FBXO3: variants seen among roughly 807,000 people sequenced by gnomAD.
The protein encoded by FBXO3 is F-box only protein 3.
A neutral mutation model predicts 64.8 loss-of-function variants in FBXO3; 17 were observed. The ratio of observed to expected loss-of-function variants is 0.26; its 90% CI spans 0.18 to 0.39. FBXO3 has a LOEUF of 0.39. Among genes scored for constraint, FBXO3 ranks in the 10% least tolerant of loss-of-function variants. FBXO3 has a pLI of 1.00. For synonymous variants in FBXO3, 182 were observed against 201.6 expected, an observed-to-expected ratio of 0.90 and a Z score of 0.82; for missense variants, 420 against 589.9, an observed-to-expected ratio of 0.71 and a Z score of 2.98.
chr11:33,774,320 C>T, intron 1 of FBXO3, 74 bp downstream of exon 1: 5 of 1,298,926 alleles, frequency 3.8e-6, no homozygotes, highest in South Asian at 2.6e-5. Context: ...TCAGCGGCCC[C>T]GACCCCCTTT....
At chr11:33,752,390 T>G (rs1300403875) in intron 6 of FBXO3, among the ~76,000 whole-genome samples, 6 of 152,232 alleles carry the variant, frequency 3.9e-5, no homozygotes. Context: ...GTATTAGTCC[T>G]TTAATTAATG....
chr11:33,755,375 A>C (rs1463159609), intron 5 of FBXO3, among the ~76,000 whole-genome samples: 1 of 152,224 alleles, frequency 6.6e-6, no homozygotes, highest in Non-Finnish European at 1.5e-5. Flanking sequence ...ACATTTTTCG[A>C]TACATCAAAT....
chr11:33,741,535 A>C lies in FBXO3; in HGVS notation c.*373T>G, dbSNP rs918239702. 6.4e-6 allele frequency: 1 copy of C among 156,660 alleles called. No individual in the cohort carries two copies. Among genetic ancestry groups the C allele is most frequent in the Non-Finnish European group, 1.4e-5 (1 of 70,892 alleles). The allele number at this position is 156,660 out of a possible 1,614,324, so 9.7% of individuals were successfully genotyped here. On this transcript the variant is annotated 3_prime_UTR_variant, in exon 11 of 11. Transcript: ENST00000265651. Reference sequence around the variant, plus strand: ...AAGAAGTCTTTTCACAGAATGAGTCACATAGTTTCTCTCTATCCTTGTGCA... The same window carrying C: ...AAGAAGTCTTTTCACAGAATGAGTCCCATAGTTTCTCTCTATCCTTGTGCA...
chr11:33,773,218 G>C (rs182983137), intron 1 of FBXO3: 26 of 152,264 alleles, frequency 1.7e-4, no homozygotes, highest in African/African-American at 5.5e-4. Flanking sequence ...ATGTGTCTTG[G>C]AAAGATTACT....
intron 1 of FBXO3, chr11:33,772,420 G>T (rs1855531943): frequency 6.6e-6 from 1 of 152,068 alleles, no homozygotes; most frequent in Non-Finnish European, 1.5e-5. Context: ...TCCTCACCTT[G>T]GTTCCCAAGG....
In FBXO3 at chr11:33,755,479, T is replaced by A. The variant is rs377440395; in HGVS notation, c.678+292A>T. Among the ~76,000 whole-genome samples the A allele has an allele frequency of 2.1e-4, 29 of 141,118 alleles. No individual in the cohort carries two copies. In the South Asian group the frequency reaches 2.2e-3, roughly 11 times the overall value. The allele number at this position is 141,118 out of a possible 152,430, so 92.6% of individuals were successfully genotyped here. On this transcript the variant is annotated intron_variant, in intron 5 of 10. Coordinates refer to ENST00000265651, the MANE Select transcript of FBXO3 (RefSeq NM_012175.4). ...AAATTTTTGGAAAGTCTGAAACACA[T>A]ATTACAATTAATTACTTCAACAAAA...
At position 33,751,558 on chromosome 11, in the gene FBXO3, T is replaced by C. The variant is rs781669916; in HGVS notation, c.774A>G (p.Ser258=). 3.1e-6 allele frequency: 5 copies of C among 1,609,146 alleles called. No individual in the cohort carries two copies. The highest frequency in any genetic ancestry group is 1.3e-5 in the African/African-American group (1 of 74,574). The part of the protein sequence containing the change: ...WFTSYVKNVV[S]GGFPIIRDQI... ...GGTCTCTGATGATGGGGAAGCCACC[T>C]GATACAACATTTTTGACATAAGAGG... The change falls in exon 7 of 11, where the codon TCA becomes TCG. Residue 258 remains serine, a synonymous_variant. Coordinates refer to ENST00000265651, the MANE Select transcript of FBXO3 (RefSeq NM_012175.4).
In FBXO3 at chr11:33,774,483, C is replaced by T. The variant is rs778485025; in HGVS notation, c.15G>A (p.Glu5=). 1.3e-6 allele frequency: 2 copies of T among 1,573,514 alleles called. No homozygotes were observed. Among genetic ancestry groups the T allele is most frequent in the South Asian group, 1.2e-5 (1 of 85,812 alleles). ...CTAGGGTCAGCGGCGCCGTCTCGGT[C>T]TCCATGGCCGCCATCTTGCCTGGCC... is the stretch of plus-strand genomic sequence containing the variant. MAAM[E]TETAPLTLES... Residue 5 remains glutamate (E), a synonymous_variant, in exon 1 of 11, where the codon GAG becomes GAA. Coordinates refer to ENST00000265651, the MANE Select transcript of FBXO3 (RefSeq NM_012175.4).
chr11:33,747,333 C>T lies in FBXO3; in HGVS notation c.1049-13G>A, dbSNP rs1393475521. 2 of 1,602,686 alleles carry T rather than the reference C, an allele frequency of 1.2e-6. No homozygotes were observed. The highest frequency in any genetic ancestry group is 4.5e-5 in the East Asian group (2 of 44,764). ...ATTGGAAATTCACCTGCAGGGAAAA[C>T]AGTAACAATAAACCAAAGTATAAAA... On this transcript the variant is annotated splice_polypyrimidine_tract_variant and intron_variant, in intron 9 of 10. Transcript: ENST00000265651.
intron 3 of FBXO3, among the ~76,000 whole-genome samples, chr11:33,758,994 C>T (rs1477243552): frequency 6.6e-6 from 1 of 151,882 alleles, no homozygotes; most frequent in African/African-American, 2.4e-5. Context: ...TTAACATTGA[C>T]TCTTAATGGG....
At chr11:33,747,833 A>G (rs1207412327) in intron 9 of FBXO3, among the ~76,000 whole-genome samples, 1 of 150,794 alleles carries the variant, frequency 6.6e-6, no homozygotes, top group Non-Finnish European at 1.5e-5. Flanking sequence ...TTTTTAATGT[A>G]TTCCTCAAAT....
chr11:33,742,122 C>T (rs771948371), intron 10 of FBXO3, 38 bp from the exon 11 acceptor site: 13 of 1,470,262 alleles, frequency 8.8e-6, no homozygotes, highest in African/African-American at 2.9e-5. Context: ...AGAAGAGCAT[C>T]TATCAGTTTT....
intron 4 of FBXO3, among the ~76,000 whole-genome samples, chr11:33,757,438 A>AC (rs1408657495): frequency 6.8e-6 from 1 of 147,450 alleles, no homozygotes; most frequent in African/African-American, 2.5e-5. Context: ...ATATAGTAAG[A>AC]CCCCATCTCT....
At chr11:33,751,647 T>C (rs1443781527) in intron 6 of FBXO3, 40 bp from the exon 7 acceptor site, 2 of 1,260,928 alleles carry the variant, frequency 1.6e-6, no homozygotes, top group African/African-American at 1.5e-5. Context: ...AAAGAACAAA[T>C]AGTTTTGTAA....
intron 6 of FBXO3, among the ~76,000 whole-genome samples, chr11:33,752,218 T>C (rs1305606919): frequency 6.6e-6 from 1 of 152,210 alleles, no homozygotes; most frequent in Non-Finnish European, 1.5e-5. Context: ...CAGAAAAGGA[T>C]TACTGGAACA....
intron 3 of FBXO3, among the ~76,000 whole-genome samples, chr11:33,764,331 G>A (rs1855315056): frequency 6.6e-6 from 1 of 152,212 alleles, no homozygotes; most frequent in Admixed American, 6.5e-5. Flanking sequence ...GGTTGCCTCT[G>A]TGAAAGAGGG....
intron 3 of FBXO3, among the ~76,000 whole-genome samples, chr11:33,761,360 T>C (rs1014215772): frequency 4.6e-5 from 7 of 152,074 alleles, no homozygotes; most frequent in Non-Finnish European, 4.4e-5. Flanking sequence ...CATCTTAAAG[T>C]AAATACAGAA....
chr11:33,747,514 CTT>C (rs375433121), intron 9 of FBXO3, among the ~76,000 whole-genome samples, 194 bp from the exon 10 acceptor site: 23 of 140,854 alleles, frequency 1.6e-4, no homozygotes, highest in East Asian at 2.0e-4. Context: ...TTCCTCTTGA[CTT>C]TTTTTTTTTT....
chr11:33,762,728 G>GAA (rs34611010), intron 3 of FBXO3, among the ~76,000 whole-genome samples: 3,331 of 141,504 alleles, frequency 0.024, 63 homozygotes, highest in Non-Finnish European at 0.039. Flanking sequence ...CCCAAGTCAG[G>GAA]AAAAAAAAAA....
Sources: allele counts gnomAD v4.1 joint callset (sites outside exome capture counted in the v4.1 genomes callset), GRCh38; gene constraint gnomAD v4.1.1; transcripts MANE v1.5; gene names NCBI Gene and HGNC (gene_info 2026-07-23, HGNC 2026-07-21).